Variants in PDGFD observed in about 807,000 individuals in gnomAD.
PDGFD encodes the protein platelet-derived growth factor D.
In PDGFD, 30 loss-of-function variants were observed where a neutral mutation model predicts 44.7. The observed-to-expected ratio is 0.67, with a 90% CI of 0.50 to 0.91. PDGFD has a LOEUF of 0.91. Among genes scored for constraint, PDGFD ranks in the 40% least tolerant of loss-of-function variants. PDGFD has a pLI of 0.00. For synonymous variants in PDGFD, 173 were observed against 168.4 expected, an observed-to-expected ratio of 1.03 and a Z score of -0.21; for missense variants, 445 against 457.8, an observed-to-expected ratio of 0.97 and a Z score of 0.25.
At chr11:104,162,623 A>G (rs1862407357) in intron 1 of PDGFD, among the ~76,000 whole-genome samples, 1 of 152,164 alleles carries the variant, frequency 6.6e-6, no homozygotes, top group African/African-American at 2.4e-5. Context: ...GTACACTGAT[A>G]TCCATAGTCT....
chr11:103,945,278 C>T (rs1469457767), intron 4 of PDGFD, among the ~76,000 whole-genome samples: 3 of 152,102 alleles, frequency 2.0e-5, no homozygotes, highest in Non-Finnish European at 4.4e-5. Context: ...ATCTACGTGA[C>T]TGTGTGTGGG....
At chr11:104,033,170 A>G (rs1860156493) in intron 1 of PDGFD, among the ~76,000 whole-genome samples, 1 of 152,044 alleles carries the variant, frequency 6.6e-6, no homozygotes, top group Non-Finnish European at 1.5e-5. Flanking sequence ...TGGGACAATT[A>G]TACATATGGT....
At chr11:104,123,050 T>C (rs1861799807) in intron 1 of PDGFD, among the ~76,000 whole-genome samples, 1 of 152,074 alleles carries the variant, frequency 6.6e-6, no homozygotes, top group Non-Finnish European at 1.5e-5. Flanking sequence ...AGTTTGTTTT[T>C]CCTCTCCTTT....
chr11:103,963,234 T>A (rs533230676), intron 3 of PDGFD, among the ~76,000 whole-genome samples: 1 of 152,268 alleles, frequency 6.6e-6, no homozygotes, highest in East Asian at 1.9e-4. Flanking sequence ...CCTAATGTAC[T>A]ATCACCTAGA....
intron 1 of PDGFD, among the ~76,000 whole-genome samples, chr11:104,022,988 T>G (rs938266337): frequency 4.6e-5 from 7 of 152,124 alleles, no homozygotes; most frequent in Non-Finnish European, 8.8e-5. Flanking sequence ...AAACAATGAC[T>G]GCCCAAGGAA....
chr11:103,935,992 CTCTATT>C (rs1325019793), intron 5 of PDGFD, among the ~76,000 whole-genome samples: 3 of 152,124 alleles, frequency 2.0e-5, no homozygotes, highest in Non-Finnish European at 4.4e-5. Context: ...CTTTCTTTTG[CTCTATT>C]TCTATTAAAT....
chr11:104,033,432 T>G (rs67916650), intron 1 of PDGFD, among the ~76,000 whole-genome samples: 12,050 of 151,916 alleles, frequency 0.079, 459 homozygotes, highest in Middle Eastern at 0.11. Context: ...CTGTTCTCAG[T>G]AAAAGGTAAA....
chr11:104,045,803 T>C (rs941446899), intron 1 of PDGFD, among the ~76,000 whole-genome samples: 1 of 147,092 alleles, frequency 6.8e-6, no homozygotes, highest in African/African-American at 2.5e-5. Flanking sequence ...GAATGTAAGG[T>C]AGGACTGCAA....
chr11:103,919,800 C>T (rs562794461), intron 6 of PDGFD, among the ~76,000 whole-genome samples: 7 of 152,032 alleles, frequency 4.6e-5, no homozygotes, highest in East Asian at 1.9e-4. Context: ...TGAGCCACTG[C>T]GCCCGGTCTC....
intron 1 of PDGFD, among the ~76,000 whole-genome samples, chr11:104,094,151 G>T (rs952316006): frequency 6.6e-6 from 1 of 151,686 alleles, no homozygotes; most frequent in Non-Finnish European, 1.5e-5. Context: ...GCAGTGCTTG[G>T]CACAATAGCC....
At chr11:104,099,581 C>T (rs764101921) in intron 1 of PDGFD, among the ~76,000 whole-genome samples, 11 of 150,864 alleles carry the variant, frequency 7.3e-5, no homozygotes, top group Non-Finnish European at 1.2e-4. Flanking sequence ...GCAGTGAGCC[C>T]AGATTGCACC....
intron 1 of PDGFD, among the ~76,000 whole-genome samples, chr11:104,060,904 T>A (rs150644324): frequency 6.4e-4 from 98 of 152,334 alleles, no homozygotes; most frequent in African/African-American, 2.2e-3. Context: ...CTCAGTGGTA[T>A]TAATTACATT....
At chr11:104,086,881 G>T (rs1028851505) in intron 1 of PDGFD, among the ~76,000 whole-genome samples, 3 of 152,256 alleles carry the variant, frequency 2.0e-5, no homozygotes, top group East Asian at 3.9e-4. Context: ...ATTCCAAGCT[G>T]CAGGAAAATT....
chr11:104,051,348 A>G (rs1351703349), intron 1 of PDGFD, among the ~76,000 whole-genome samples: 1 of 152,162 alleles, frequency 6.6e-6, no homozygotes, highest in Non-Finnish European at 1.5e-5. Context: ...ATCAAAGGCA[A>G]TATATCAAAT....
chr11:104,135,288 C>T (rs1430979343), intron 1 of PDGFD, among the ~76,000 whole-genome samples: 1 of 152,108 alleles, frequency 6.6e-6, no homozygotes, highest in Non-Finnish European at 1.5e-5. Context: ...CTGGGGCAGC[C>T]AAATGCAGGG....
intron 3 of PDGFD, among the ~76,000 whole-genome samples, chr11:103,995,228 A>C (rs1859517546): frequency 6.6e-6 from 1 of 152,166 alleles, no homozygotes; most frequent in South Asian, 2.1e-4. Context: ...TTTAAGCTCC[A>C]GACGGTTCAA....
intron 1 of PDGFD, among the ~76,000 whole-genome samples, chr11:104,142,608 T>G (rs1862102039): frequency 6.6e-6 from 1 of 152,212 alleles, no homozygotes. Context: ...TGAGTTCTCT[T>G]ATCTCTAAGT....
chr11:103,948,745 G>A (rs1173358722), intron 3 of PDGFD, among the ~76,000 whole-genome samples: 1 of 152,110 alleles, frequency 6.6e-6, no homozygotes, highest in Non-Finnish European at 1.5e-5. Flanking sequence ...TTAACATTTT[G>A]AGGAGCTGGA....
chr11:104,000,965 CATG>C (rs147472145), intron 1 of PDGFD, among the ~76,000 whole-genome samples: 5,291 of 152,180 alleles, frequency 0.035, 328 homozygotes, highest in African/African-American at 0.12. Context: ...TTTTGTTATT[CATG>C]ATATGGCCCC....
Sources: gnomAD v4.1 joint callset for allele counts (sites outside exome capture counted in the v4.1 genomes callset) on GRCh38, gnomAD v4.1.1 for gene constraint, MANE v1.5 for transcripts, NCBI Gene and HGNC (gene_info 2026-07-23, HGNC 2026-07-21) for gene names.